RANBP2: variants seen among roughly 807,000 people sequenced by gnomAD.
The protein encoded by RANBP2 is E3 SUMO-protein ligase RanBP2.
In RANBP2, 57 loss-of-function variants were observed where a neutral mutation model predicts 303.6. The ratio of observed to expected loss-of-function variants is 0.19; its 90% CI spans 0.15 to 0.23. The LOEUF (loss-of-function observed/expected upper bound fraction) is 0.23. RANBP2 is among the 10% of genes least tolerant of loss of function. The pLI, the probability that RANBP2 is intolerant of heterozygous loss-of-function variation, is 1.00. For missense variants in RANBP2, 3,138 were observed against 3,780.8 expected (o/e 0.83, Z 4.46); for synonymous variants, 1,167 against 1,301.5 (o/e 0.90, Z 2.23).
the RANBP2 span, among the ~76,000 whole-genome samples, chr2:108,796,479 G>A: frequency 6.6e-6 from 1 of 152,042 alleles, no homozygotes; most frequent in Admixed American, 6.6e-5. Context: ...CCCACTCCTG[G>A]GTATATCCCC....
chr2:108,802,898 T>C, the RANBP2 span, among the ~76,000 whole-genome samples: 1 of 152,240 alleles, frequency 6.6e-6, no homozygotes, highest in East Asian at 1.9e-4. Context: ...CACGTGGTTT[T>C]TGTCTTTGGC....
chr2:109,291,552 T>C, the RANBP2 span, among the ~76,000 whole-genome samples: 1 of 152,236 alleles, frequency 6.6e-6, no homozygotes, highest in Admixed American at 6.5e-5. Flanking sequence ...CAGCCGGCGA[T>C]GCCCTTGGAA....
the RANBP2 span, among the ~76,000 whole-genome samples, chr2:109,321,403 A>C: frequency 6.6e-6 from 1 of 152,268 alleles, no homozygotes; most frequent in Non-Finnish European, 1.5e-5. Flanking sequence ...TTTGAAGTGG[A>C]AATTAGTTGA....
chr2:108,934,798 C>G, the RANBP2 span, among the ~76,000 whole-genome samples: 2 of 152,344 alleles, frequency 1.3e-5, no homozygotes, highest in South Asian at 4.1e-4. Flanking sequence ...CACCTCCCCA[C>G]CTTTCAAACC....
chr2:109,424,498 C>T, the RANBP2 span, among the ~76,000 whole-genome samples: 26 of 152,292 alleles, frequency 1.7e-4, 1 homozygote, highest in South Asian at 5.0e-3. Flanking sequence ...CAAATTGAAG[C>T]TTCGGGGCAA....
chr2:108,762,104 C>A lies in RANBP2; in HGVS notation c.2606C>A (p.Ala869Glu). Reference protein sequence around the residue: ...QTFHGAPLTVATTGPSVYYSQ... With the variant: ...QTFHGAPLTVETTGPSVYYSQ... ...TATTTTCTTTTTGTTTTTTTAGTTGCAACTACTGGCCCTTCAGTATATTAT... is the reference window on the plus strand; with the variant it reads ...TATTTTCTTTTTGTTTTTTTAGTTGAAACTACTGGCCCTTCAGTATATTAT... The change falls in exon 19 of 29, where the codon GCA (alanine) becomes GAA (glutamate). Residue 869 changes from alanine to glutamate, a missense_variant. Transcript: ENST00000283195. 1 of 1,596,354 alleles carries A rather than the reference C, an allele frequency of 6.3e-7. No homozygotes were observed. Among genetic ancestry groups the A allele is most frequent in the Non-Finnish European group, 8.5e-7 (1 of 1,179,308 alleles).
the RANBP2 span, among the ~76,000 whole-genome samples, chr2:108,915,438 T>C: frequency 1.3e-5 from 2 of 152,214 alleles, no homozygotes; most frequent in Non-Finnish European, 2.9e-5. Context: ...GGCAGCTATG[T>C]CATAGGGTAT....
At chr2:108,826,595 C>T in the RANBP2 span, among the ~76,000 whole-genome samples, 1 of 152,162 alleles carries the variant, frequency 6.6e-6, no homozygotes, top group Non-Finnish European at 1.5e-5. Context: ...ATTCTCAGTT[C>T]CATTCCATTG....
At chr2:109,430,912 G>A in the RANBP2 span, among the ~76,000 whole-genome samples, 2 of 152,228 alleles carry the variant, frequency 1.3e-5, no homozygotes, top group Non-Finnish European at 2.9e-5. Flanking sequence ...AGGAGGGCAT[G>A]AGGGACACCT....
At chr2:109,197,811 C>T in the RANBP2 span, among the ~76,000 whole-genome samples, 1 of 152,186 alleles carries the variant, frequency 6.6e-6, no homozygotes, top group Non-Finnish European at 1.5e-5. Flanking sequence ...TAAAAAAATG[C>T]TATGGTGGGT....
the RANBP2 span, among the ~76,000 whole-genome samples, chr2:109,643,168 C>T: frequency 4.7e-5 from 7 of 148,226 alleles, no homozygotes; most frequent in Non-Finnish European, 8.9e-5. Flanking sequence ...CCAGCCTGGG[C>T]GATAGAGCAA....
the RANBP2 span, chr2:109,567,882 T>C: frequency 7.6e-5 from 123 of 1,613,972 alleles, no homozygotes; most frequent in Middle Eastern, 1.6e-4. Flanking sequence ...CTGGACGCCA[T>C]TGCTGACCAA....
At chr2:109,252,065 A>G in the RANBP2 span, among the ~76,000 whole-genome samples, 7 of 145,686 alleles carry the variant, frequency 4.8e-5, no homozygotes, top group Non-Finnish European at 8.9e-5. Context: ...TGGGCAACAT[A>G]TAGAGATGCC....
chr2:109,563,692 A>G, the RANBP2 span, among the ~76,000 whole-genome samples: 1 of 152,224 alleles, frequency 6.6e-6, no homozygotes, highest in East Asian at 1.9e-4. Flanking sequence ...ACACTGTAAT[A>G]TGGCAAGAAA....
At chr2:109,153,764 A>G in the RANBP2 span, among the ~76,000 whole-genome samples, 1 of 152,176 alleles carries the variant, frequency 6.6e-6, no homozygotes, top group African/African-American at 2.4e-5. Flanking sequence ...TTTTGGCTAA[A>G]GCCACATTAA....
At chr2:109,742,543 G>A in the RANBP2 span, among the ~76,000 whole-genome samples, 2 of 148,596 alleles carry the variant, frequency 1.3e-5, no homozygotes, top group South Asian at 2.2e-4. Flanking sequence ...AAATAGAGAA[G>A]TATTCCATGT....
At chr2:108,819,749 C>T in the RANBP2 span, among the ~76,000 whole-genome samples, 627 of 152,162 alleles carry the variant, frequency 4.1e-3, 3 homozygotes, top group Non-Finnish European at 7.1e-3. Context: ...TCTGTTTTTT[C>T]AAATGCCCAA....
At chr2:109,581,074 A>G in the RANBP2 span, among the ~76,000 whole-genome samples, 3 of 152,246 alleles carry the variant, frequency 2.0e-5, no homozygotes, top group Admixed American at 6.5e-5. Flanking sequence ...GCCATTTCCT[A>G]TATTAGAGCT....
chr2:109,766,882 T>C, the RANBP2 span, among the ~76,000 whole-genome samples: 1 of 149,794 alleles, frequency 6.7e-6, no homozygotes, highest in Non-Finnish European at 1.5e-5. Context: ...AATGGTAACA[T>C]AATTTTTTTG....
Sources: gnomAD v4.1 joint callset for allele counts (sites outside exome capture counted in the v4.1 genomes callset) on GRCh38, gnomAD v4.1.1 for gene constraint, MANE v1.5 for transcripts, NCBI Gene and HGNC (gene_info 2026-07-23, HGNC 2026-07-21) for gene names.